CNTLN: variants seen among roughly 807,000 people sequenced by gnomAD.
CNTLN encodes centlein, also known as centlein, centrosomal protein.
CNTLN carries 212 observed loss-of-function variants against 180.0 expected under a neutral mutation model. That is an observed-to-expected ratio of 1.18 (90% CI 1.05 to 1.32). The LOEUF (loss-of-function observed/expected upper bound fraction) is 1.32. Among genes scored for constraint, CNTLN ranks in the 40% most tolerant of loss-of-function variants. The probability of loss-of-function intolerance (pLI) is 0.00; values close to 1 mark genes in which losing one functional copy is unlikely to be tolerated. For synonymous variants in CNTLN, 722 were observed against 563.1 expected (o/e 1.28, Z -3.99); for missense variants, 2,095 against 1,610.9 (o/e 1.30, Z -5.14).
rs1363054922 is a variant in CNTLN, at chr9:17,160,179, TA to T, written c.449+16809del. 2.0e-5 allele frequency among the ~76,000 whole-genome samples: 3 copies of T among 152,162 alleles called. No individual in the cohort carries two copies. The East Asian group carries it at 5.8e-4, about 29-fold the overall frequency. On this transcript the variant is annotated intron_variant, in intron 2 of 25. Transcript: ENST00000380647. ...CTTTTTAATTTTTTTATCTGAAATG[TA>T]AAAAATGATATCCTGAAGTAGTTTT...
chr9:17,182,776 G>A (rs1563856855), intron 2 of CNTLN, among the ~76,000 whole-genome samples: 1 of 152,122 alleles, frequency 6.6e-6, no homozygotes, highest in Non-Finnish European at 1.5e-5. Context: ...CTGTTGAGTC[G>A]TGAATTAAAA....
chr9:17,236,286 A>G (rs1267605968), intron 4 of CNTLN, 123 bp from the exon 5 acceptor site: 1 of 757,062 alleles, frequency 1.3e-6, no homozygotes, highest in East Asian at 2.8e-5. Context: ...GCTATCAAAT[A>G]TAGAAGAAGC....
intron 2 of CNTLN, among the ~76,000 whole-genome samples, chr9:17,154,334 G>A (rs1383367198): frequency 6.6e-6 from 1 of 152,106 alleles, no homozygotes; most frequent in African/African-American, 2.4e-5. Context: ...CTTTGGATGG[G>A]GTCTTTGAGT....
intron 25 of CNTLN, among the ~76,000 whole-genome samples, chr9:17,497,929 C>G (rs1174859521): frequency 1.3e-5 from 2 of 151,954 alleles, no homozygotes. Flanking sequence ...AAATGTTGCA[C>G]CTTTAATTTT....
intron 3 of CNTLN, among the ~76,000 whole-genome samples, chr9:17,230,422 G>A (rs536728979): frequency 1.1e-4 from 17 of 151,978 alleles, no homozygotes; most frequent in Non-Finnish European, 2.1e-4. Flanking sequence ...GGTCTGTAGT[G>A]TTATGTTTGG....
intron 6 of CNTLN, among the ~76,000 whole-genome samples, chr9:17,293,482 T>C (rs1703023899): frequency 1.3e-5 from 2 of 152,192 alleles, no homozygotes; most frequent in Admixed American, 1.3e-4. Context: ...GTTGCTGAAA[T>C]TCCTGCAGGA....
intron 2 of CNTLN, chr9:17,167,305 A>G (rs1820135755): frequency 6.6e-6 from 1 of 152,604 alleles, no homozygotes; most frequent in Non-Finnish European, 1.5e-5. Context: ...AGATGAGTTC[A>G]CTTTAAAAAA....
chr9:17,494,769 G>C (rs1164116891), intron 25 of CNTLN: 2 of 321,392 alleles, frequency 6.2e-6, no homozygotes, highest in Non-Finnish European at 1.2e-5. Flanking sequence ...CAAACCTGCT[G>C]TGCTGCCACC....
intron 18 of CNTLN, among the ~76,000 whole-genome samples, chr9:17,455,823 A>G (rs959142065): frequency 9.8e-6 from 1 of 102,330 alleles, no homozygotes; most frequent in Non-Finnish European, 2.1e-5. Context: ...GGTTTGGGGA[A>G]TGGCAGGCAG....
chr9:17,455,625 G>A (rs1343043719), intron 18 of CNTLN, among the ~76,000 whole-genome samples: 1 of 152,126 alleles, frequency 6.6e-6, no homozygotes, highest in East Asian at 1.9e-4. Flanking sequence ...TCAAGAAGGA[G>A]GAATACTAAG....
At chr9:17,279,498 C>T (rs59816547) in intron 6 of CNTLN, among the ~76,000 whole-genome samples, 5,631 of 152,204 alleles carry the variant, frequency 0.037, 300 homozygotes, top group East Asian at 0.25. Flanking sequence ...TTTGCCTTTG[C>T]TTTTCACCTT....
chr9:17,181,277 ACTGATT>A (rs1014082519), intron 2 of CNTLN, among the ~76,000 whole-genome samples: 1 of 151,960 alleles, frequency 6.6e-6, no homozygotes, highest in African/African-American at 2.4e-5. Flanking sequence ...TTTGCTTTTC[ACTGATT>A]CTTTCCTGTC....
chr9:17,462,373 G>C (rs1043266276), intron 19 of CNTLN, among the ~76,000 whole-genome samples: 1 of 151,770 alleles, frequency 6.6e-6, no homozygotes, highest in African/African-American at 2.4e-5. Context: ...AGCATTCCAA[G>C]AAGGGAAAGA....
intron 5 of CNTLN, among the ~76,000 whole-genome samples, chr9:17,271,298 A>G (rs1827929819): frequency 6.6e-6 from 1 of 152,234 alleles, no homozygotes; most frequent in Non-Finnish European, 1.5e-5. Context: ...TAAATCATGC[A>G]CCAGATTTGC....
At chr9:17,139,503 T>C (rs1480799670) in intron 1 of CNTLN, among the ~76,000 whole-genome samples, 2 of 151,790 alleles carry the variant, frequency 1.3e-5, no homozygotes, top group African/African-American at 4.8e-5. Flanking sequence ...TCTACTAAAA[T>C]ACAAAAATTA....
intron 15 of CNTLN, among the ~76,000 whole-genome samples, chr9:17,408,657 C>T (rs971549427): frequency 1.2e-4 from 18 of 151,982 alleles, no homozygotes; most frequent in Non-Finnish European, 2.6e-4. Flanking sequence ...AAAAATTAGT[C>T]AGGCGTGGTG....
intron 2 of CNTLN, among the ~76,000 whole-genome samples, chr9:17,225,121 T>C (rs912171032): frequency 6.6e-6 from 1 of 152,022 alleles, no homozygotes; most frequent in African/African-American, 2.4e-5. Context: ...GGCTCAACTC[T>C]TGATTGGGGA....
chr9:17,524,941 C>G, the CNTLN span, among the ~76,000 whole-genome samples: 1 of 152,170 alleles, frequency 6.6e-6, no homozygotes, highest in African/African-American at 2.4e-5. Flanking sequence ...GTATTTTCCT[C>G]TTAAACAATT....
intron 12 of CNTLN, among the ~76,000 whole-genome samples, chr9:17,354,811 C>CT (rs1345009083): frequency 1.3e-5 from 2 of 152,076 alleles, no homozygotes; most frequent in Non-Finnish European, 2.9e-5. Flanking sequence ...AAGCTTTGTT[C>CT]TTTCGCTCTT....
Sources: gnomAD v4.1 joint callset for allele counts (sites outside exome capture counted in the v4.1 genomes callset) on GRCh38, gnomAD v4.1.1 for gene constraint, MANE v1.5 for transcripts, NCBI Gene and HGNC (gene_info 2026-07-23, HGNC 2026-07-21) for gene names.